Variants in TAB2 observed in about 807,000 individuals in gnomAD.
The protein encoded by TAB2 is TGF-beta-activated kinase 1 and MAP3K7-binding protein 2.
A neutral mutation model predicts 65.0 loss-of-function variants in TAB2; 3 were observed. That is an observed-to-expected ratio of 0.05 (90% CI 0.02 to 0.12). TAB2 has a LOEUF of 0.12. Ranked by LOEUF, TAB2 falls within the 10% of genes least tolerant of loss-of-function variation. The pLI, the probability that TAB2 is intolerant of heterozygous loss-of-function variation, is 1.00. For missense variants in TAB2, 623 were observed against 840.3 expected, an observed-to-expected ratio of 0.74 and a Z score of 3.20; for synonymous variants, 298 against 285.1, an observed-to-expected ratio of 1.05 and a Z score of -0.46.
At chr6:149,268,434 G>C (rs937685023) in intron 1 of TAB2, among the ~76,000 whole-genome samples, 5 of 152,306 alleles carry the variant, frequency 3.3e-5, no homozygotes, top group African/African-American at 1.2e-4. Context: ...AGGTGAGAAT[G>C]AATGTTCTAA....
intron 1 of TAB2, among the ~76,000 whole-genome samples, chr6:149,286,778 G>A (rs190595581): frequency 1.2e-4 from 18 of 152,212 alleles, no homozygotes; most frequent in Middle Eastern, 6.8e-3. Flanking sequence ...TTAGCAGCAC[G>A]AGAAAATACT....
In TAB2 at chr6:149,356,053, G is replaced by A. The variant is rs78167969; in HGVS notation, c.-89-13856G>A. ...ACAAAGTGATATATTGGGCTTTCAA[G>A]TAGATTTCTTAAAATTTGAATTATT... On this transcript the variant is annotated intron_variant, in intron 1 of 6. Transcript: ENST00000637181. Among the ~76,000 whole-genome samples the A allele has an allele frequency of 7.1e-3, 1,079 of 152,284 alleles. 7 individuals are homozygous for A. The highest frequency in any genetic ancestry group is 0.025 in the African/African-American group (1,037 of 41,544).
chr6:149,256,294 A>G (rs1385726618), intron 1 of TAB2, among the ~76,000 whole-genome samples: 5 of 152,232 alleles, frequency 3.3e-5, no homozygotes, highest in Admixed American at 3.3e-4. Flanking sequence ...ATTGGAGTAA[A>G]GGAAATATAT....
At chr6:149,377,953 A>G (rs1781459132) in intron 2 of TAB2, 65 bp from the exon 3 acceptor site, 6 of 1,224,552 alleles carry the variant, frequency 4.9e-6, no homozygotes, top group Non-Finnish European at 7.1e-6. Context: ...ATGTATTTGT[A>G]GAGATGCAAA....
chr6:149,236,273 A>T (rs1374768933), intron 1 of TAB2, among the ~76,000 whole-genome samples: 1 of 152,248 alleles, frequency 6.6e-6, no homozygotes, highest in East Asian at 1.9e-4. Flanking sequence ...ATGACCAATG[A>T]GGTCACCCTC....
At chr6:149,226,127 A>G (rs986550486) in intron 1 of TAB2, among the ~76,000 whole-genome samples, 4 of 152,098 alleles carry the variant, frequency 2.6e-5, no homozygotes, top group African/African-American at 9.7e-5. Flanking sequence ...AACTGGGCTT[A>G]GATCAGTGAG....
Position 149,411,578 on chromosome 6 carries a change from T to C in TAB2, c.*1859T>C, listed in dbSNP as rs1782864218. The C allele has an allele frequency of 6.5e-6, 1 of 153,534 alleles. No homozygotes were observed. The highest frequency in any genetic ancestry group is 2.4e-5 in the African/African-American group (1 of 41,472). The allele number at this position is 153,534 out of a possible 1,614,324, so 9.5% of individuals were successfully genotyped here. Reference sequence around the variant, plus strand: ...AACTATCTTTGTAACAGATAAGTTATTTATAAAAATTAAAAAACTTATATT... The same window carrying C: ...AACTATCTTTGTAACAGATAAGTTACTTATAAAAATTAAAAAACTTATATT... On this transcript the variant is annotated 3_prime_UTR_variant, in exon 7 of 7. Coordinates refer to ENST00000637181, the MANE Select transcript of TAB2 (RefSeq NM_001292034.3).
chr6:149,330,118 T>A (rs1196870584), intron 1 of TAB2, among the ~76,000 whole-genome samples: 2 of 151,898 alleles, frequency 1.3e-5, no homozygotes, highest in East Asian at 3.9e-4. Context: ...CCCAGTATAA[T>A]CCCCTTGAGG....
At chr6:149,313,455 G>A (rs1395694111), upstream of TAB2, among the ~76,000 whole-genome samples, 3 of 152,056 alleles carry the variant, frequency 2.0e-5, no homozygotes, top group Non-Finnish European at 4.4e-5. Context: ...TTGCTTTGTG[G>A]GCCCTCGTCA....
intron 1 of TAB2, among the ~76,000 whole-genome samples, chr6:149,275,575 C>G (rs1339396244): frequency 6.6e-6 from 1 of 152,222 alleles, no homozygotes; most frequent in Non-Finnish European, 1.5e-5. Flanking sequence ...AGCATAACTT[C>G]TCACTCACTA....
chr6:149,360,100 G>T (rs73779314), intron 1 of TAB2, among the ~76,000 whole-genome samples: 6,227 of 152,022 alleles, frequency 0.041, 443 homozygotes, highest in African/African-American at 0.14. Flanking sequence ...TTTTGTGCCA[G>T]TTTTTTTAAA....
chr6:149,317,562 G>A (rs887701842), upstream of TAB2: 2 of 154,678 alleles, frequency 1.3e-5, no homozygotes, highest in Non-Finnish European at 2.9e-5. This position sits in a 1 kb window ranked among gnomAD's most constrained non-coding sequence, Gnocchi z 4.7. Flanking sequence ...ATTTTGATTT[G>A]GACTGGGCTG....
At chr6:149,297,844 T>C (rs1778904651) in intron 1 of TAB2, among the ~76,000 whole-genome samples, 1 of 152,202 alleles carries the variant, frequency 6.6e-6, no homozygotes, top group Admixed American at 6.5e-5. Flanking sequence ...TAAACCAATA[T>C]ATGTTTTAAT....
intron 1 of TAB2, among the ~76,000 whole-genome samples, chr6:149,290,245 A>T (rs1402496371): frequency 1.3e-5 from 2 of 152,150 alleles, no homozygotes; most frequent in Non-Finnish European, 2.9e-5. Flanking sequence ...GGAGAAGTCC[A>T]TTCAGATGGT....
intron 1 of TAB2, among the ~76,000 whole-genome samples, chr6:149,294,891 T>A (rs1434923282): frequency 6.6e-6 from 1 of 152,174 alleles, no homozygotes; most frequent in Non-Finnish European, 1.5e-5. Context: ...ATTGTAAGAG[T>A]GCCTTGAAAA....
At chr6:149,400,874 C>A in intron 6 of TAB2, 1 of 611,264 alleles carries the variant, frequency 1.6e-6, no homozygotes, top group Non-Finnish European at 2.8e-6. Flanking sequence ...AAGCATATTG[C>A]TTTTTTCTTC....
intron 1 of TAB2, among the ~76,000 whole-genome samples, chr6:149,343,413 A>G (rs1176738069): frequency 6.6e-6 from 1 of 151,702 alleles, no homozygotes; most frequent in Non-Finnish European, 1.5e-5. Flanking sequence ...CGGAGGTTGC[A>G]GTGAACTGAG....
intron 6 of TAB2, among the ~76,000 whole-genome samples, chr6:149,405,656 T>TA (rs1782638840): frequency 6.6e-6 from 1 of 152,188 alleles, no homozygotes; most frequent in African/African-American, 2.4e-5. Context: ...GAAAGACAAA[T>TA]ACTGCATTAT....
At chr6:149,343,481 A>G (rs572768126) in intron 1 of TAB2, among the ~76,000 whole-genome samples, 211 of 152,294 alleles carry the variant, frequency 1.4e-3, no homozygotes, top group Non-Finnish European at 2.3e-3. Flanking sequence ...CAAAAAAAAA[A>G]AAAAAGGTTA....
Sources: gnomAD v4.1 joint callset for allele counts (sites outside exome capture counted in the v4.1 genomes callset) on GRCh38, gnomAD v4.1.1 for gene constraint, Gnocchi (gnomAD v3.1) non-coding constraint, MANE v1.5 for transcripts, NCBI Gene and HGNC (gene_info 2026-07-23, HGNC 2026-07-21) for gene names.